FBLN2: variants seen among roughly 807,000 people sequenced by gnomAD.
FBLN2 encodes fibulin 2.
A neutral mutation model predicts 123.7 loss-of-function variants in FBLN2; 81 were observed. That is an observed-to-expected ratio of 0.65 (90% CI 0.55 to 0.79). FBLN2 has a LOEUF of 0.79. Ranked by LOEUF, FBLN2 falls within the 30% of genes least tolerant of loss-of-function variation. The pLI is 0.00. For synonymous variants in FBLN2, 699 were observed against 701.4 expected (o/e 1.00, Z 0.05); for missense variants, 1,603 against 1,681.3 (o/e 0.95, Z 0.81).
At position 13,615,805 on chromosome 3, in the gene FBLN2, G is replaced by T. The variant is rs569703464; in HGVS notation, c.1729+1641G>T. On this transcript the variant is annotated intron_variant, in intron 5 of 17. Coordinates refer to ENST00000404922, the MANE Select transcript of FBLN2 (RefSeq NM_001004019.2). ...TGGCACAGCCAGGACTGGACACCTT[G>T]GCTCTAATGACTCCCACTTCTGCCC... 1.9e-3 allele frequency among the ~76,000 whole-genome samples: 296 copies of T among 152,322 alleles called. 1 individual carries two copies. The highest frequency in any genetic ancestry group is 3.5e-3 in the Non-Finnish European group (236 of 68,026).
At position 13,636,439 on chromosome 3, in the gene FBLN2, C is replaced by T. The variant is rs770081360; in HGVS notation, c.3215-6C>T. On this transcript the variant is annotated splice_polypyrimidine_tract_variant and splice_region_variant and intron_variant, in intron 16 of 17. Transcript: ENST00000404922. ...GGACCCTGCCATTGCCCCTCTTCTC[C>T]CCCAGACGTGGATGAGTGTGCACTG... The T allele has an allele frequency of 1.2e-5, 20 of 1,613,352 alleles. No homozygotes were observed. The highest frequency in any genetic ancestry group is 1.4e-5 in the Non-Finnish European group (17 of 1,179,646).
intron 16 of FBLN2, among the ~76,000 whole-genome samples, chr3:13,632,809 G>A (rs1415886174): frequency 6.6e-6 from 1 of 152,048 alleles, no homozygotes; most frequent in Non-Finnish European, 1.5e-5. Context: ...GCTTACTTAG[G>A]TCTTGCTGGC....
At chr3:13,623,683 C>G (rs955620931) in intron 9 of FBLN2, among the ~76,000 whole-genome samples, 2 of 152,190 alleles carry the variant, frequency 1.3e-5, no homozygotes, top group Non-Finnish European at 2.9e-5. Flanking sequence ...TTGCAGCCAG[C>G]CTGCCTGCCT....
chr3:13,570,820 G>T lies in FBLN2; in HGVS notation c.465G>T (p.Pro155=), dbSNP rs370896604. Residue 155 remains proline, a synonymous_variant, in exon 2 of 18, where the codon CCG becomes CCT. Transcript: ENST00000404922. ...CCGCTGGCCACACTGTTCACCTGCC[G>T]CCCTGCCGGGCCTGCCACTGCCCTG... ...KYAAGHTVHL[P]PCRACHCPDA... is the part of the protein sequence containing the mutation. 6.3e-7 allele frequency: 1 copy of T among 1,597,908 alleles called. No homozygotes were observed. The highest frequency in any genetic ancestry group is 8.5e-7 in the Non-Finnish European group (1 of 1,173,372).
intron 4 of FBLN2, among the ~76,000 whole-genome samples, chr3:13,611,002 G>T (rs1388315829): frequency 6.6e-6 from 1 of 151,944 alleles, no homozygotes; most frequent in Non-Finnish European, 1.5e-5. Flanking sequence ...CACCTCCCGG[G>T]TTCAAGCAAT....
At chr3:13,604,734 A>T (rs1323961859) in intron 2 of FBLN2, among the ~76,000 whole-genome samples, 1 of 152,228 alleles carries the variant, frequency 6.6e-6, no homozygotes, top group Non-Finnish European at 1.5e-5. Flanking sequence ...TCTGGTAGAC[A>T]CCAGTTCTCA....
At chr3:13,612,526 G>A (rs1705439087) in intron 4 of FBLN2, among the ~76,000 whole-genome samples, 2 of 151,902 alleles carry the variant, frequency 1.3e-5, no homozygotes, top group Admixed American at 6.6e-5. Context: ...GACTACAGGT[G>A]CCCGCCACCA....
chr3:13,572,290 C>G (rs979558610), intron 2 of FBLN2, among the ~76,000 whole-genome samples: 4 of 152,208 alleles, frequency 2.6e-5, no homozygotes, highest in African/African-American at 9.6e-5. Flanking sequence ...TGGGGCCACA[C>G]CAGCTGTACC....
Position 13,571,022 on chromosome 3 carries a change from G to A in FBLN2, c.667G>A (p.Ala223Thr), listed in dbSNP as rs1559402643. 1.9e-6 allele frequency: 3 copies of A among 1,583,774 alleles called. No individual in the cohort carries two copies. The highest frequency in any genetic ancestry group is 2.6e-6 in the Non-Finnish European group (3 of 1,165,678). ...GGEVQAGAVQAGAGGPPAALG... is the reference protein window; with the variant it reads ...GGEVQAGAVQTGAGGPPAALG... ...TGAGGTCCAGGCGGGTGCAGTCCAG[G>A]CAGGCGCAGGGGGCCCCCCAGCTGC... The change falls in exon 2 of 18, where the codon GCA (alanine) becomes ACA (threonine). Residue 223 changes from alanine to threonine, a missense_variant. Coordinates refer to ENST00000404922, the MANE Select transcript of FBLN2 (RefSeq NM_001004019.2).
chr3:13,562,604 C>T (rs1189761447), intron 1 of FBLN2, among the ~76,000 whole-genome samples: 1 of 152,184 alleles, frequency 6.6e-6, no homozygotes, highest in Non-Finnish European at 1.5e-5. Context: ...ATCCACCCGC[C>T]TTGGCCTCCC....
chr3:13,618,915 C>G lies in FBLN2; in HGVS notation c.1951C>G (p.Pro651Ala). 6.2e-7 allele frequency: 1 copy of G among 1,612,778 alleles called. No homozygotes were observed. The highest frequency in any genetic ancestry group is 8.5e-7 in the Non-Finnish European group (1 of 1,179,492). Reference protein sequence around the residue: ...GRTCRPEGHPPQPEAPQEPAL... With the variant: ...GRTCRPEGHPAQPEAPQEPAL... ...TCTACCCATGACAGAGGGTCACCCT[C>G]CACAGCCGGAAGCCCCACAGGAGCC... The change falls in exon 7 of 18, where the codon CCA becomes GCA. Residue 651 changes from proline (P) to alanine (A), a missense_variant. By Grantham distance (27) the Pro-to-Ala change is conservative. Coordinates refer to ENST00000404922, the MANE Select transcript of FBLN2 (RefSeq NM_001004019.2).
chr3:13,554,287 TG>T (rs1203070386), intron 1 of FBLN2, among the ~76,000 whole-genome samples: 2 of 152,172 alleles, frequency 1.3e-5, no homozygotes, highest in Non-Finnish European at 2.9e-5. Context: ...TCATCTGTGT[TG>T]GGGCCAGCCC....
At position 13,571,099 on chromosome 3, in the gene FBLN2, A is replaced by G; in HGVS notation, c.744A>G (p.Pro248=). The change falls in exon 2 of 18, where the codon CCA becomes CCG. Residue 248 remains proline, a synonymous_variant. Transcript: ENST00000404922. ...CCACCATCCAGGCACCCCCCTGGCC[A>G]GCTGTCCTCCCCAGGCCCACAGCGG... ...PLSTIQAPPW[P]AVLPRPTAAA... is the part of the protein sequence containing the mutation. 6.4e-7 allele frequency: 1 copy of G among 1,553,036 alleles called. No homozygotes were observed. Among genetic ancestry groups the G allele is most frequent in the Non-Finnish European group, 8.7e-7 (1 of 1,148,440 alleles).
At chr3:13,613,418 C>G (rs923549526) in intron 4 of FBLN2, among the ~76,000 whole-genome samples, 1 of 152,144 alleles carries the variant, frequency 6.6e-6, no homozygotes, top group Non-Finnish European at 1.5e-5. Context: ...CCTGGGCTAG[C>G]GTAGATCTAC....
At chr3:13,623,412 T>C (rs1037101527) in intron 9 of FBLN2, among the ~76,000 whole-genome samples, 2 of 152,150 alleles carry the variant, frequency 1.3e-5, no homozygotes, top group African/African-American at 4.8e-5. Flanking sequence ...TTCAGCAAAA[T>C]TGATGAGCTC....
At position 13,549,240 on chromosome 3, in the gene FBLN2, C is replaced by A. The variant is rs1353135041; in HGVS notation, c.-42+32C>A. On this transcript the variant is annotated intron_variant, in intron 1 of 17. Transcript: ENST00000404922. ...GCACGCGGCCCCTCCCGCCCGGACT[C>A]ATCCCCGTCGGTCCGCGCCTCGCAG... The A allele has an allele frequency of 8.1e-6, 8 of 981,848 alleles. No homozygotes were observed. The East Asian group carries it at 8.0e-4, about 99-fold the overall frequency. 60.8% of individuals were successfully genotyped at this position (981,848 alleles called of 1,614,324 possible). A position where few individuals can be genotyped will look rare whatever the true frequency, so the allele number is the denominator to read the frequency against.
At chr3:13,589,028 TGAAA>T (rs1704590315) in intron 2 of FBLN2, among the ~76,000 whole-genome samples, 1 of 152,236 alleles carries the variant, frequency 6.6e-6, no homozygotes, top group South Asian at 2.1e-4. Context: ...TAAATAATAA[TGAAA>T]GAGAGAATTC....
chr3:13,580,310 C>T (rs1051441175), intron 2 of FBLN2, among the ~76,000 whole-genome samples: 4 of 152,130 alleles, frequency 2.6e-5, no homozygotes, highest in Admixed American at 6.6e-5. Flanking sequence ...ACTTGTTCGC[C>T]CTGGAGGGTG....
At position 13,583,970 on chromosome 3, in the gene FBLN2, C is replaced by T. The variant is rs1445105665; in HGVS notation, c.1306+12309C>T. On this transcript the variant is annotated intron_variant, in intron 2 of 17. Transcript: ENST00000404922. ...TGTTAACTCCAGCGACTGTGGCCAG[C>T]TGGCCTTTAGAATGCATGCAATGGA... 4.6e-5 allele frequency among the ~76,000 whole-genome samples: 7 copies of T among 152,338 alleles called. No individual in the cohort carries two copies. In the East Asian group the frequency reaches 1.4e-3, roughly 29 times the overall value.
Sources: allele counts gnomAD v4.1 joint callset (sites outside exome capture counted in the v4.1 genomes callset), GRCh38; gene constraint gnomAD v4.1.1; transcripts MANE v1.5; gene names NCBI Gene and HGNC (gene_info 2026-07-23, HGNC 2026-07-21).